The following COL6A3 variants were observed in gnomAD, a reference collection of about 807,000 sequenced individuals.
The protein encoded by COL6A3 is collagen type VI alpha 3 chain.
A neutral mutation model predicts 274.1 loss-of-function variants in COL6A3; 137 were observed. The observed-to-expected ratio is 0.50, with a 90% CI of 0.44 to 0.58. The LOEUF (loss-of-function observed/expected upper bound fraction) is 0.58. COL6A3 is among the 20% of genes least tolerant of loss of function. The pLI is 0.00. For missense variants in COL6A3, 3,950 were observed against 4,124.9 expected (o/e 0.96, Z 1.16); for synonymous variants, 1,650 against 1,650.6 (o/e 1.00, Z 0.01).
chr2:237,371,582 A>G lies in COL6A3; in HGVS notation c.4285+150T>C. On this transcript the variant is annotated intron_variant, in intron 9 of 43. Transcript: ENST00000295550. This position sits in a 1 kb window ranked among gnomAD's most constrained non-coding sequence, Gnocchi z 4.3. ...CACTGCACTCCAGCCTGGACGACAGAGCCAGACCCTGTCTCAAAATAAAAA... is the reference window on the plus strand; with the variant it reads ...CACTGCACTCCAGCCTGGACGACAGGGCCAGACCCTGTCTCAAAATAAAAA... 6.8e-7 allele frequency: 1 copy of G among 1,476,720 alleles called. No individual in the cohort carries two copies. Among genetic ancestry groups the G allele is most frequent in the Non-Finnish European group, 8.9e-7 (1 of 1,120,508 alleles). The allele number at this position is 1,476,720 out of a possible 1,614,324, so 91.5% of individuals were successfully genotyped here. A position where few individuals can be genotyped will look rare whatever the true frequency, so the allele number is the denominator to read the frequency against.
chr2:237,366,878 C>A lies in COL6A3; in HGVS notation c.5309G>T (p.Gly1770Val), dbSNP rs1310905641. Residue 1770 changes from glycine to valine, a missense_variant, in exon 11 of 44, where the codon GGG becomes GTG. Physicochemically the swap from Gly to Val is moderately radical, Grantham distance 109 (BLOSUM62 -3). Coordinates refer to ENST00000295550, the MANE Select transcript of COL6A3 (RefSeq NM_004369.4). ...QDVSLALTQR[G>V]VKVFAVGVRN... ...CACTCCAACAGCAAACACTTTGACC[C>A]CCCTCTGGGTGAGGGCCAGGCTCAC... The A allele has an allele frequency of 1.2e-6, 2 of 1,614,248 alleles. No homozygotes were observed. Among genetic ancestry groups the A allele is most frequent in the Admixed American group, 1.7e-5 (1 of 60,034 alleles).
At position 237,345,209 on chromosome 2, in the gene COL6A3, G is replaced by A. The variant is rs1364706175; in HGVS notation, c.7097C>T (p.Pro2366Leu). The A allele has an allele frequency of 6.8e-6, 11 of 1,614,066 alleles. No homozygotes were observed. Among genetic ancestry groups the A allele is most frequent in the Non-Finnish European group, 9.3e-6 (11 of 1,180,010 alleles). Residue 2366 changes from proline (P) to leucine (L), a missense_variant, in exon 33 of 44, where the codon CCC becomes CTC. Around this residue, in one of 5 missense-constraint regions of COL6A3, gnomAD observed 1,284 missense variants for 1,349.7 expected, o/e 0.95. Transcript: ENST00000295550. Reference sequence around the variant, plus strand: ...GATGGAGTCGCCCCTGTTGCCCTTGGGACCCTGTAAAACCAAGGAACGAAA... The same window carrying A: ...GATGGAGTCGCCCCTGTTGCCCTTGAGACCCTGTAAAACCAAGGAACGAAA... ...GDPGYPGPAG[P>L]KGNRGDSIDQ...
chr2:237,331,169 T>C lies in COL6A3; in HGVS notation c.9328+2281A>G, dbSNP rs188124524. 1.3e-4 allele frequency among the ~76,000 whole-genome samples: 20 copies of C among 152,356 alleles called. No individual in the cohort carries two copies. The East Asian group carries it at 3.3e-3, about 25-fold the overall frequency. On this transcript the variant is annotated intron_variant, in intron 42 of 43. Coordinates refer to ENST00000295550, the MANE Select transcript of COL6A3 (RefSeq NM_004369.4). The stretch of plus-strand genomic sequence containing the variant: ...TTGCCTGAATGGTCTAGAAAATGTA[T>C]ATTTGGAGAAATAATGCATATCGTG...
Position 237,372,084 on chromosome 2 carries a change from G to A in COL6A3, c.3933C>T (p.Asn1311=), listed in dbSNP as rs763164666. 2.7e-5 allele frequency: 43 copies of A among 1,613,882 alleles called. No homozygotes were observed. Among genetic ancestry groups the A allele is most frequent in the Admixed American group, 1.7e-4 (10 of 60,002 alleles). ...RLRPKGGRQI[N]VGNALEYVSR... is the part of the protein sequence containing the mutation. The stretch of plus-strand genomic sequence containing the variant: ...ACACGTACTCCAGGGCATTGCCCAC[G>A]TTGATCTGCCGCCCTCCCTTGGGCC... Residue 1311 remains asparagine, a synonymous_variant, in exon 9 of 44, where the codon AAC becomes AAT. Transcript: ENST00000295550.
rs769664063 is a variant in COL6A3 at position 237,376,904 on chromosome 2, G to T, written c.2938C>A (p.Pro980Thr). Residue 980 changes from proline to threonine, a missense_variant, in exon 7 of 44, where the codon CCT becomes ACT. This residue lies in a region of COL6A3 where 1,934 missense variants were observed against 1,984.3 expected (regional missense o/e 0.97). Coordinates refer to ENST00000295550, the MANE Select transcript of COL6A3 (RefSeq NM_004369.4). ...AGCACGATCTGCTCTAACTCAGCAGGGTCTGCGTTCTTGGCTTGGAAGATG... is the reference window on the plus strand; with the variant it reads ...AGCACGATCTGCTCTAACTCAGCAGTGTCTGCGTTCTTGGCTTGGAAGATG... The part of the protein sequence containing the change: ...PFIFQAKNAD[P>T]AELEQIVLSP... 6.2e-7 allele frequency: 1 copy of T among 1,614,166 alleles called. No individual in the cohort carries two copies. The highest frequency in any genetic ancestry group is 8.5e-7 in the Non-Finnish European group (1 of 1,180,034).
chr2:237,366,058 A>G, intron 11 of COL6A3, 23 bp from the exon 12 acceptor site: 1 of 1,605,914 alleles, frequency 6.2e-7, no homozygotes, highest in Admixed American at 1.7e-5. Context: ...AATGCAGGTG[A>G]TGAGTTCTCA....
rs147327623 is a variant in COL6A3, at chr2:237,334,759, C to G, written c.9096G>C (p.Leu3032=). 1.9e-6 allele frequency: 3 copies of G among 1,614,138 alleles called. No homozygotes were observed. The highest frequency in any genetic ancestry group is 1.7e-6 in the Non-Finnish European group (2 of 1,180,038). ...TGACCGTGAGGTTCTGCTTCAGAAC[C>G]AGGGACTGATCATGGGCTGAGGTGA... ...LTVTSAHDQS[L]VLKQNLTVTD... is the part of the protein sequence containing the mutation. Residue 3032 remains leucine (L), a synonymous_variant, in exon 41 of 44, where the codon CTG becomes CTC. Coordinates refer to ENST00000295550, the MANE Select transcript of COL6A3 (RefSeq NM_004369.4).
chr2:237,380,897 A>G lies in COL6A3; in HGVS notation c.1897+18T>C. 1 of 1,611,882 alleles carries G rather than the reference A, an allele frequency of 6.2e-7. No individual in the cohort carries two copies. The highest frequency in any genetic ancestry group is 8.5e-7 in the Non-Finnish European group (1 of 1,178,692). The stretch of plus-strand genomic sequence containing the variant: ...TGGAGACCACCCCATTGTGTGTCTG[A>G]AGCCATCACCACCATACCTTCAGGG... On this transcript the variant is annotated intron_variant, in intron 5 of 43. Transcript: ENST00000295550.
rs727502839 is a variant in COL6A3, at chr2:237,363,374, C to T, written c.5942G>A (p.Gly1981Asp). 1.2e-6 allele frequency: 2 copies of T among 1,614,148 alleles called. No individual in the cohort carries two copies. The highest frequency in any genetic ancestry group is 1.7e-6 in the Non-Finnish European group (2 of 1,180,036). Residue 1981 changes from glycine to aspartate, a missense_variant, in exon 14 of 44, where the codon GGC (glycine) becomes GAC (aspartate). By Grantham distance (94) the Gly-to-Asp change is moderately conservative (BLOSUM62 -1). Around this residue, in one of 5 missense-constraint regions of COL6A3, gnomAD observed 632 missense variants for 623.4 expected, o/e 1.01. Transcript: ENST00000295550. The part of the protein sequence containing the change: ...QEGVRALILV[G>D]LERVVNLERL... ...CTCCAAGTTGACCACTCGTTCAAGG[C>T]CCACCAGGATCAAGGCACGGACTCC...
chr2:237,380,227 G>C (rs74426544), intron 5 of COL6A3, among the ~76,000 whole-genome samples: 1 of 152,318 alleles, frequency 6.6e-6, no homozygotes, highest in African/African-American at 2.4e-5. Context: ...TCTAGTGATC[G>C]AGTCTGCAAG....
chr2:237,326,751 C>T (rs1699966587), intron 42 of COL6A3: 1 of 152,244 alleles, frequency 6.6e-6, no homozygotes, highest in South Asian at 2.1e-4. Flanking sequence ...CCCAGCGAGG[C>T]AGGCTGCTCA....
rs1574993467 is a variant in COL6A3 at position 237,368,497 on chromosome 2, T to A, written c.4900+66A>T. 1 of 1,575,870 alleles carries A rather than the reference T, an allele frequency of 6.3e-7. No homozygotes were observed. The highest frequency in any genetic ancestry group is 8.7e-7 in the Non-Finnish European group (1 of 1,155,264). On this transcript the variant is annotated intron_variant, in intron 10 of 43. Coordinates refer to ENST00000295550, the MANE Select transcript of COL6A3 (RefSeq NM_004369.4). This position sits in a 1 kb window ranked among gnomAD's most constrained non-coding sequence, Gnocchi z 4.4. Reference sequence around the variant, plus strand: ...AAAATTATTAAAAATGACTACTGATTACTTTTTTAACTAAAAAAAAAATGT... The same window carrying A: ...AAAATTATTAAAAATGACTACTGATAACTTTTTTAACTAAAAAAAAAATGT...
At chr2:237,380,066 TC>T (rs2077962943) in intron 5 of COL6A3, among the ~76,000 whole-genome samples, 2 of 152,260 alleles carry the variant, frequency 1.3e-5, no homozygotes, top group Admixed American at 1.3e-4. Context: ...ACTAATTGTA[TC>T]CTAAGTTGAA....
chr2:237,341,864 T>A (rs753192908), intron 37 of COL6A3, among the ~76,000 whole-genome samples: 1 of 152,220 alleles, frequency 6.6e-6, no homozygotes, highest in African/African-American at 2.4e-5. Context: ...TTATCCGCCA[T>A]CAAAGAGAAG....
At chr2:237,358,642 T>C (rs2077370034) in intron 20 of COL6A3, 59 bp from the exon 21 acceptor site, 4 of 1,407,892 alleles carry the variant, frequency 2.8e-6, no homozygotes, top group Non-Finnish European at 4.0e-6. Flanking sequence ...TATCTCACCC[T>C]AAAAATCACA....
intron 32 of COL6A3, among the ~76,000 whole-genome samples, 158 bp downstream of exon 32, chr2:237,346,345 T>C (rs1328341356): frequency 6.6e-6 from 1 of 152,180 alleles, no homozygotes; most frequent in Non-Finnish European, 1.5e-5. Flanking sequence ...TCAAAATCTC[T>C]TTGCTGCATC....
At chr2:237,363,193 A>G (rs1574982510) in intron 14 of COL6A3, 60 bp downstream of exon 14, 1 of 1,548,368 alleles carries the variant, frequency 6.5e-7, no homozygotes, top group Non-Finnish European at 8.9e-7. Flanking sequence ...CATTCTCTTG[A>G]AATGCCAAAA....
At chr2:237,335,011 G>A in intron 40 of COL6A3, 122 bp from the exon 41 acceptor site, 1 of 1,146,452 alleles carries the variant, frequency 8.7e-7, no homozygotes, top group Admixed American at 1.9e-5. Flanking sequence ...ATTTAGCTGA[G>A]GCGGGGAACT....
rs755138368 is a variant in COL6A3 at position 237,388,130 on chromosome 2, C to T, written c.764G>A (p.Ser255Asn). The T allele has an allele frequency of 5.6e-5, 91 of 1,614,082 alleles. No individual in the cohort carries two copies. The highest frequency in any genetic ancestry group is 7.5e-5 in the Non-Finnish European group (88 of 1,180,046). ...GTCGAGAATGACTGCGAAATTGACACTTCCGGTGTTGTTTGATCCATCAAT... is the reference window on the plus strand; with the variant it reads ...GTCGAGAATGACTGCGAAATTGACATTTCCGGTGTTGTTTGATCCATCAAT... ...FLIDGSNNTG[S>N]VNFAVILDFL... Residue 255 changes from serine (S) to asparagine (N), a missense_variant, in exon 4 of 44, where the codon AGT becomes AAT. By Grantham distance (46) the Ser-to-Asn change is conservative. Around this residue, in one of 5 missense-constraint regions of COL6A3, gnomAD observed 1,934 missense variants for 1,984.3 expected, o/e 0.97. Transcript: ENST00000295550.
Sources: gnomAD v4.1 joint callset for allele counts (sites outside exome capture counted in the v4.1 genomes callset) on GRCh38, gnomAD v4.1.1 for gene constraint, gnomAD v4.1.1 regional missense constraint, Gnocchi (gnomAD v3.1) non-coding constraint, MANE v1.5 for transcripts, NCBI Gene and HGNC (gene_info 2026-07-23, HGNC 2026-07-21) for gene names.